Variants in HS2ST1 observed in about 807,000 individuals in gnomAD.
The protein encoded by HS2ST1 is heparan sulfate 2-O-sulfotransferase 1.
In HS2ST1, 18 loss-of-function variants were observed where a neutral mutation model predicts 42.9. The ratio of observed to expected loss-of-function variants is 0.42; its 90% CI spans 0.29 to 0.62. The LOEUF is 0.62. Ranked by LOEUF, HS2ST1 falls within the 20% of genes least tolerant of loss-of-function variation. The pLI is 0.21. For synonymous variants in HS2ST1, 146 were observed against 152.9 expected, an observed-to-expected ratio of 0.95 and a Z score of 0.33; for missense variants, 334 against 433.8, an observed-to-expected ratio of 0.77 and a Z score of 2.04.
At chr1:87,029,670 GT>G (rs1553138723) in intron 1 of HS2ST1, among the ~76,000 whole-genome samples, 2 of 152,140 alleles carry the variant, frequency 1.3e-5, no homozygotes, top group Non-Finnish European at 2.9e-5. Flanking sequence ...TCAATACTGA[GT>G]TTTGACTTAT....
chr1:87,047,595 G>C (rs1650717520), intron 1 of HS2ST1, among the ~76,000 whole-genome samples: 1 of 152,116 alleles, frequency 6.6e-6, no homozygotes, highest in Non-Finnish European at 1.5e-5. Flanking sequence ...ATGATGTGAA[G>C]AATGAAGAAA....
In HS2ST1 at chr1:87,087,031, C is replaced by T. The variant is rs1008654319; in HGVS notation, c.449+2752C>T. On this transcript the variant is annotated intron_variant, in intron 3 of 6. Transcript: ENST00000370550. ...AAGTTGAGTAAGTTGCAGTTCTTGA[C>T]CTTAATGAGTTCACTGAAATCTTTT... Among the ~76,000 whole-genome samples, 5 of 151,846 alleles carry T rather than the reference C, an allele frequency of 3.3e-5. No homozygotes were observed. In the South Asian group the frequency reaches 1.0e-3, roughly 31 times the overall value.
intron 1 of HS2ST1, among the ~76,000 whole-genome samples, chr1:87,039,012 A>G (rs1164638259): frequency 6.6e-6 from 1 of 152,184 alleles, no homozygotes; most frequent in East Asian, 1.9e-4. Context: ...GGAAAAAATA[A>G]ATTAGTAAAA....
chr1:87,063,529 G>A (rs965178887), intron 1 of HS2ST1, among the ~76,000 whole-genome samples: 1 of 152,056 alleles, frequency 6.6e-6, no homozygotes, highest in African/African-American at 2.4e-5. Context: ...TAGAGACAAG[G>A]TTTCACTCTG....
chr1:87,040,870 T>G (rs1176285288), intron 1 of HS2ST1, among the ~76,000 whole-genome samples: 1 of 152,050 alleles, frequency 6.6e-6, no homozygotes, highest in Non-Finnish European at 1.5e-5. Context: ...TTCCAAGAAT[T>G]AGTTAGCTCT....
chr1:86,968,017 G>C (rs763570566), intron 1 of HS2ST1, among the ~76,000 whole-genome samples: 1 of 152,122 alleles, frequency 6.6e-6, no homozygotes, highest in African/African-American at 2.4e-5. Flanking sequence ...ATCTCATTGC[G>C]GTGTTAATTT....
intron 1 of HS2ST1, among the ~76,000 whole-genome samples, chr1:87,020,955 A>C (rs1274009754): frequency 2.0e-5 from 3 of 152,170 alleles, no homozygotes; most frequent in East Asian, 3.8e-4. Flanking sequence ...CTATAGGTAC[A>C]TCAGTTTTCT....
chr1:87,058,541 A>G (rs1428103224), intron 1 of HS2ST1, among the ~76,000 whole-genome samples: 4 of 151,522 alleles, frequency 2.6e-5, no homozygotes, highest in Non-Finnish European at 5.9e-5. Context: ...CTGAAATGAC[A>G]CATAATAGCC....
intron 1 of HS2ST1, among the ~76,000 whole-genome samples, chr1:86,982,747 C>G (rs11161918): frequency 0.75 from 114,363 of 152,012 alleles, 43,964 homozygotes; most frequent in East Asian, 0.97. Context: ...ATCTCCTGAC[C>G]TCGTGATCCT....
At chr1:87,075,299 G>A (rs992961224) in intron 2 of HS2ST1, among the ~76,000 whole-genome samples, 3 of 150,554 alleles carry the variant, frequency 2.0e-5, no homozygotes, top group African/African-American at 7.3e-5. Context: ...CCCAAGTAGC[G>A]AGGATTATAG....
At chr1:86,950,620 T>C (rs1416510936) in intron 1 of HS2ST1, among the ~76,000 whole-genome samples, 1 of 152,224 alleles carries the variant, frequency 6.6e-6, no homozygotes, top group Non-Finnish European at 1.5e-5. Context: ...GGGGTACATG[T>C]TGACATATTT....
intron 3 of HS2ST1, among the ~76,000 whole-genome samples, chr1:87,089,812 T>C (rs977635362): frequency 2.0e-5 from 3 of 152,082 alleles, no homozygotes; most frequent in African/African-American, 7.2e-5. Context: ...AGATAGTCAT[T>C]TTCCTGGACA....
At chr1:87,022,444 A>G (rs1649977358) in intron 1 of HS2ST1, among the ~76,000 whole-genome samples, 1 of 152,216 alleles carries the variant, frequency 6.6e-6, no homozygotes, top group Non-Finnish European at 1.5e-5. Context: ...GAGAAAAATG[A>G]GATTAGGAGC....
intron 1 of HS2ST1, among the ~76,000 whole-genome samples, chr1:86,978,549 ACT>A (rs966967102): frequency 2.0e-5 from 3 of 151,852 alleles, no homozygotes; most frequent in African/African-American, 7.3e-5. Flanking sequence ...CACAAATTAG[ACT>A]CTCTGTATTT....
intron 1 of HS2ST1, among the ~76,000 whole-genome samples, chr1:87,067,326 T>C (rs1350563503): frequency 6.6e-6 from 1 of 152,266 alleles, no homozygotes; most frequent in East Asian, 1.9e-4. Flanking sequence ...TTACCAGTGA[T>C]GATGAGCTTT....
At chr1:87,003,066 C>T (rs1046432551) in intron 1 of HS2ST1, among the ~76,000 whole-genome samples, 1 of 152,242 alleles carries the variant, frequency 6.6e-6, no homozygotes, top group African/African-American at 2.4e-5. Context: ...GATGGCTCCA[C>T]AGATCCCAGT....
chr1:87,073,607 A>C (rs942682783), intron 2 of HS2ST1, among the ~76,000 whole-genome samples: 3 of 152,178 alleles, frequency 2.0e-5, no homozygotes, highest in Non-Finnish European at 2.9e-5. Flanking sequence ...TTATATATAC[A>C]TTGCTTATAA....
intron 1 of HS2ST1, among the ~76,000 whole-genome samples, chr1:86,985,383 T>TATATATATATATACACACACACACACAC (rs1413099470): frequency 6.7e-5 from 3 of 44,752 alleles, no homozygotes; most frequent in African/African-American, 1.5e-4. Flanking sequence ...TATATATATA[T>TATATATATATATACACACACACACACAC]ACACACACAC....
intron 1 of HS2ST1, among the ~76,000 whole-genome samples, chr1:87,029,699 A>G (rs1650178583): frequency 1.3e-5 from 2 of 149,918 alleles, no homozygotes; most frequent in African/African-American, 5.1e-5. Context: ...CTACAGGAAT[A>G]AATACTTTTC....
Sources: allele counts gnomAD v4.1 joint callset (sites outside exome capture counted in the v4.1 genomes callset), GRCh38; gene constraint gnomAD v4.1.1; transcripts MANE v1.5; gene names NCBI Gene and HGNC (gene_info 2026-07-23, HGNC 2026-07-21).